PRRG4: variants seen among roughly 807,000 people sequenced by gnomAD.
The protein encoded by PRRG4 is transmembrane gamma-carboxyglutamic acid protein 4.
PRRG4 carries 12 observed loss-of-function variants against 20.0 expected under a neutral mutation model. The observed-to-expected ratio is 0.60, with a 90% CI of 0.38 to 0.97. PRRG4 has a LOEUF of 0.97. Among genes scored for constraint, PRRG4 ranks in the 50% least tolerant of loss-of-function variants. The pLI, the probability that PRRG4 is intolerant of heterozygous loss-of-function variation, is 0.00. For missense variants in PRRG4, 199 were observed against 265.1 expected (o/e 0.75, Z 1.73); for synonymous variants, 94 against 96.4 (o/e 0.98, Z 0.15).
intron 5 of PRRG4, among the ~76,000 whole-genome samples, chr11:32,842,920 C>T (rs1450588026): frequency 4.0e-5 from 6 of 150,858 alleles, no homozygotes; most frequent in East Asian, 2.0e-4. Flanking sequence ...GGTGTGATCT[C>T]GGCTCACTGC....
upstream of PRRG4, chr11:32,829,923 C>T: frequency 1.0e-6 from 1 of 985,602 alleles, no homozygotes; most frequent in Non-Finnish European, 1.2e-6. Context: ...CGCCTCCTCC[C>T]GTCCTCCGTC....
Position 32,850,767 on chromosome 11 carries a change from A to T in PRRG4, c.450-2529A>T, listed in dbSNP as rs533707452. On this transcript the variant is annotated intron_variant, in intron 5 of 5. Transcript: ENST00000257836. ...ATCGTCAGAAAAGTTTGCCTCATTC[A>T]TCTGTAAAAACAAGCCAAGAGGCTG... 4.6e-5 allele frequency among the ~76,000 whole-genome samples: 7 copies of T among 152,172 alleles called. No homozygotes were observed. The South Asian group carries it at 1.2e-3, about 27-fold the overall frequency.
At chr11:32,830,219 G>C in intron 1 of PRRG4, 46 bp downstream of exon 1, 1 of 1,077,428 alleles carries the variant, frequency 9.3e-7, no homozygotes, top group Non-Finnish European at 1.1e-6. Flanking sequence ...GGGTTACCTG[G>C]AAGGGGCCAC....
At chr11:32,839,838 G>GTATATTTTAAATATTTAAAAAATATA (rs1195627959) in intron 4 of PRRG4, among the ~76,000 whole-genome samples, 9 of 144,428 alleles carry the variant, frequency 6.2e-5, no homozygotes, top group South Asian at 4.3e-4. Flanking sequence ...AATATAAGTA[G>GTATATTTTAAATATTTAAAAAATATA]TATATTTTAA....
chr11:32,853,537 C>T lies in PRRG4; in HGVS notation c.*10C>T. 1 of 1,598,234 alleles carries T rather than the reference C, an allele frequency of 6.3e-7. No individual in the cohort carries two copies. The highest frequency in any genetic ancestry group is 1.3e-5 in the African/African-American group (1 of 74,734). On this transcript the variant is annotated 3_prime_UTR_variant, in exon 6 of 6. Coordinates refer to ENST00000257836, the MANE Select transcript of PRRG4 (RefSeq NM_024081.6). ...TCTCCCATCTCACTGACTACCTTGT[C>T]ATTTTGGTATAAGAAATTTGTGTTA...
intron 5 of PRRG4, among the ~76,000 whole-genome samples, chr11:32,851,034 T>C (rs555752123): frequency 3.6e-4 from 55 of 152,214 alleles, no homozygotes; most frequent in African/African-American, 1.3e-3. Flanking sequence ...GATTGTGCCA[T>C]TGCACTCCAA....
rs776664888 is a variant in PRRG4 at position 32,853,491 on chromosome 11, G to A, written c.645G>A (p.Arg215=). 4.3e-6 allele frequency: 7 copies of A among 1,613,798 alleles called. No individual in the cohort carries two copies. The East Asian group carries it at 1.6e-4, about 36-fold the overall frequency. Residue 215 remains arginine (R), a synonymous_variant, in exon 6 of 6, where the codon AGG becomes AGA. Coordinates refer to ENST00000257836, the MANE Select transcript of PRRG4 (RefSeq NM_024081.6). ...PPYPGHTKGF[R]VFKKSMSLPS... is the part of the protein sequence containing the mutation. ...ATCCTGGGCACACAAAAGGATTTAG[G>A]GTATTTAAAAAATCTATGTCTCTCC... is the stretch of plus-strand genomic sequence containing the variant.
Position 32,838,930 on chromosome 11 carries a change from G to A in PRRG4, c.316G>A (p.Asp106Asn). The change falls in exon 4 of 6, where the codon GAT becomes AAT. Residue 106 changes from aspartate to asparagine, a missense_variant and splice_region_variant. By Grantham distance (23) the Asp-to-Asn change is conservative. Coordinates refer to ENST00000257836, the MANE Select transcript of PRRG4 (RefSeq NM_024081.6). ...AGCTAAAGGACCAACCACAAAATCA[G>A]GTAAAACAAGAATTGATCAAATTTA... ...YSAKGPTTKS[D>N]GNREKIDVMG... is the part of the protein sequence containing the mutation. 6.2e-7 allele frequency: 1 copy of A among 1,600,566 alleles called. No homozygotes were observed. The highest frequency in any genetic ancestry group is 1.1e-5 in the South Asian group (1 of 90,660).
At position 32,855,103 on chromosome 11, in the gene PRRG4, A is replaced by G. The variant is rs1175702732; in HGVS notation, c.*1576A>G. 2.0e-5 allele frequency: 3 copies of G among 152,220 alleles called. No individual in the cohort carries two copies. Among genetic ancestry groups the G allele is most frequent in the Non-Finnish European group, 4.4e-5 (3 of 68,036 alleles). 9.4% of individuals were successfully genotyped at this position (152,220 alleles called of 1,614,324 possible). ...TTCTGCTCTTAAAATAATATTGATTAATGTTACCAGAAACCTTTTGCATCT... is the reference window on the plus strand; with the variant it reads ...TTCTGCTCTTAAAATAATATTGATTGATGTTACCAGAAACCTTTTGCATCT... On this transcript the variant is annotated 3_prime_UTR_variant, in exon 6 of 6. Transcript: ENST00000257836.
chr11:32,843,104 A>G (rs1053614919), intron 5 of PRRG4, among the ~76,000 whole-genome samples: 3 of 152,064 alleles, frequency 2.0e-5, no homozygotes, highest in Non-Finnish European at 2.9e-5. Flanking sequence ...CGGCCTCCCA[A>G]AGTTTTCGGA....
At position 32,836,937 on chromosome 11, in the gene PRRG4, A is replaced by G. The variant is rs1030361238; in HGVS notation, c.267+116A>G. The G allele has an allele frequency of 5.6e-5, 43 of 765,256 alleles. No homozygotes were observed. In the East Asian group the frequency reaches 1.0e-3, roughly 18 times the overall value. 47.4% of individuals were successfully genotyped at this position (765,256 alleles called of 1,614,324 possible). A position where few individuals can be genotyped will look rare whatever the true frequency, so the allele number is the denominator to read the frequency against. On this transcript the variant is annotated intron_variant, in intron 3 of 5. Transcript: ENST00000257836. ...ACACAATCAGGATTATGTACCTGCT[A>G]TCTCTTTCTACTTCCTTAAAATGGT...
At chr11:32,837,528 TGA>T (rs1491046333) in intron 3 of PRRG4, among the ~76,000 whole-genome samples, 214 of 112,338 alleles carry the variant, frequency 1.9e-3, no homozygotes, top group African/African-American at 5.7e-3. Context: ...ATGATGATGA[TGA>T]TGATGATGAT....
At position 32,843,629 on chromosome 11, in the gene PRRG4, A is replaced by C. The variant is rs189913704; in HGVS notation, c.449+3390A>C. Among the ~76,000 whole-genome samples the C allele has an allele frequency of 1.5e-3, 229 of 152,216 alleles. 1 individual carries two copies. Among genetic ancestry groups the C allele is most frequent in the Admixed American group, 3.7e-3 (57 of 15,294 alleles). ...GCAGTACATTTTTAAAAAATAGTAA[A>C]ATATATGTAACATAAAATTTACCAT... On this transcript the variant is annotated intron_variant, in intron 5 of 5. Coordinates refer to ENST00000257836, the MANE Select transcript of PRRG4 (RefSeq NM_024081.6).
At chr11:32,838,777 T>G in intron 3 of PRRG4, 105 bp from the exon 4 acceptor site, 1 of 759,970 alleles carries the variant, frequency 1.3e-6, no homozygotes, top group South Asian at 1.5e-5. Flanking sequence ...CTCCTACCTA[T>G]GGTGCATGCC....
At position 32,844,353 on chromosome 11, in the gene PRRG4, A is replaced by T. The variant is rs558121833; in HGVS notation, c.449+4114A>T. The stretch of plus-strand genomic sequence containing the variant: ...TGGTTTGTGTAGTATGGTAGCTCAG[A>T]TAATAACTGTATGTATGTCATAAGG... On this transcript the variant is annotated intron_variant, in intron 5 of 5. Transcript: ENST00000257836. 6.6e-5 allele frequency among the ~76,000 whole-genome samples: 10 copies of T among 152,160 alleles called. No homozygotes were observed. In the East Asian group the frequency reaches 1.9e-3, roughly 29 times the overall value.
Position 32,851,687 on chromosome 11 carries a change from C to T in PRRG4, c.450-1609C>T, listed in dbSNP as rs1213212851. Among the ~76,000 whole-genome samples, 6 of 152,218 alleles carry T rather than the reference C, an allele frequency of 3.9e-5. 1 individual carries two copies. The highest frequency in any genetic ancestry group is 2.4e-5 in the African/African-American group (1 of 41,522). On this transcript the variant is annotated intron_variant, in intron 5 of 5. Coordinates refer to ENST00000257836, the MANE Select transcript of PRRG4 (RefSeq NM_024081.6). ...TGGAAAAGTTGGCAGTATTTTGGGC[C>T]TGCTAAACTATTTCTTGATGGGAAG...
At chr11:32,848,993 A>G (rs1038343859) in intron 5 of PRRG4, among the ~76,000 whole-genome samples, 6 of 139,580 alleles carry the variant, frequency 4.3e-5, no homozygotes, top group African/African-American at 7.9e-5. Context: ...AAAGAATTTA[A>G]GGCAACAGGT....
intron 3 of PRRG4, among the ~76,000 whole-genome samples, chr11:32,837,541 G>GATGATGATTATTATT (rs1303509427): frequency 2.1e-4 from 20 of 95,862 alleles, no homozygotes; most frequent in African/African-American, 7.0e-4. Context: ...TGATGATGAT[G>GATGATGATTATTATT]ATTATTATTA....
At chr11:32,839,703 ATAT>A (rs1372173565) in intron 4 of PRRG4, among the ~76,000 whole-genome samples, 3 of 145,074 alleles carry the variant, frequency 2.1e-5, no homozygotes, top group Non-Finnish European at 3.0e-5. Context: ...TATATTTTGA[ATAT>A]TATTAAAATA....
Sources: allele counts gnomAD v4.1 joint callset (sites outside exome capture counted in the v4.1 genomes callset), GRCh38; gene constraint gnomAD v4.1.1; transcripts MANE v1.5; gene names NCBI Gene and HGNC (gene_info 2026-07-23, HGNC 2026-07-21).